The following FGF13 variants were observed in gnomAD, a reference collection of about 807,000 sequenced individuals.
FGF13 encodes fibroblast growth factor 13.
In FGF13, 2 loss-of-function variants were observed where a neutral mutation model predicts 19.5. That is an observed-to-expected ratio of 0.10 (90% CI 0.04 to 0.32). The LOEUF (loss-of-function observed/expected upper bound fraction) is 0.32, where lower values mean the gene tolerates loss of function less well. FGF13 is among the 10% of genes least tolerant of loss of function. The pLI is 1.00. For synonymous variants in FGF13, 72 were observed against 76.9 expected, an observed-to-expected ratio of 0.94 and a Z score of 0.33; for missense variants, 113 against 192.7, an observed-to-expected ratio of 0.59 and a Z score of 2.45.
chrX:139,144,787 TG>T (rs1239853934), intron 1 of FGF13, among the ~76,000 whole-genome samples: 2 of 111,200 alleles, frequency 1.8e-5, no homozygotes, highest in East Asian at 2.8e-4. Flanking sequence ...GGTGATTTCT[TG>T]GGGGAAAAAA....
intron 1 of FGF13, among the ~76,000 whole-genome samples, chrX:138,933,793 T>C (rs989706535): frequency 7.2e-5 from 8 of 111,769 alleles, no homozygotes; most frequent in African/African-American, 2.6e-4. Flanking sequence ...AAACTTGTAC[T>C]GGCTCCCCAT....
intron 1 of FGF13, among the ~76,000 whole-genome samples, chrX:138,984,647 GA>G (rs2091985098): frequency 2.5e-5 from 2 of 81,400 alleles, no homozygotes; most frequent in African/African-American, 9.2e-5. Flanking sequence ...AGGAGGAGAA[GA>G]AGAAGAAGGA....
At chrX:139,188,660 T>G (rs1337925844) in intron 1 of FGF13, among the ~76,000 whole-genome samples, 3 of 111,995 alleles carry the variant, frequency 2.7e-5, no homozygotes, top group Non-Finnish European at 5.6e-5. Flanking sequence ...TGCCAAGTAT[T>G]CAACAAATGT....
At chrX:138,865,486 C>CCT (rs1328298183) in intron 1 of FGF13, among the ~76,000 whole-genome samples, 37 of 93,093 alleles carry the variant, frequency 4.0e-4, no homozygotes, top group South Asian at 1.6e-3. Flanking sequence ...CTCTCTCTCT[C>CCT]CTCTCTCTCT....
intron 1 of FGF13, among the ~76,000 whole-genome samples, chrX:139,135,777 G>A (rs1398260964): frequency 8.1e-5 from 9 of 111,364 alleles, no homozygotes; most frequent in Non-Finnish European, 3.8e-5. Context: ...AATATTTGGG[G>A]GCTCAAAGAA....
chrX:139,031,029 A>G (rs1008930507), intron 1 of FGF13, among the ~76,000 whole-genome samples: 58 of 111,551 alleles, frequency 5.2e-4, no homozygotes, highest in Admixed American at 3.8e-4. Context: ...CTCTAAGCGT[A>G]CACTATCTAC....
intron 1 of FGF13, among the ~76,000 whole-genome samples, chrX:139,202,038 GAAA>G (rs1017321720): frequency 1.8e-5 from 2 of 112,448 alleles, no homozygotes; most frequent in Non-Finnish European, 3.8e-5. Flanking sequence ...GTCAACACAA[GAAA>G]ATGTTATGAC....
At chrX:138,764,762 C>A (rs999247039) in intron 3 of FGF13, among the ~76,000 whole-genome samples, 1 of 111,850 alleles carries the variant, frequency 8.9e-6, no homozygotes, top group Non-Finnish European at 1.9e-5. Context: ...ATTTGCCAAC[C>A]CCTTTCTTAA....
intron 1 of FGF13, among the ~76,000 whole-genome samples, chrX:138,937,170 G>T (rs1179645076): frequency 9.0e-6 from 1 of 111,029 alleles, no homozygotes; most frequent in Non-Finnish European, 1.9e-5. Flanking sequence ...GACAAAATGA[G>T]CCCTTCTGGT....
At position 138,629,462 on chromosome X, in the gene FGF13, G is replaced by A. The variant is rs1011574168; in HGVS notation, c.*3388C>T. ...CCTGGTGGGAGGTGATTGGATCCTC[G>A]GGGCGGTTTCCCCATGCTGTCTCAT... On this transcript the variant is annotated 3_prime_UTR_variant, in exon 5 of 5. Transcript: ENST00000315930. 9.0e-6 allele frequency: 1 copy of A among 110,880 alleles called. No homozygotes were observed. The highest frequency in any genetic ancestry group is 3.3e-5 in the African/African-American group (1 of 30,453). The allele number at this position is 110,880 out of a possible 1,213,427, so 9.1% of individuals were successfully genotyped here.
intron 1 of FGF13, among the ~76,000 whole-genome samples, chrX:138,918,674 G>T (rs1482348276): frequency 9.0e-6 from 1 of 111,612 alleles, no homozygotes; most frequent in African/African-American, 3.3e-5. Flanking sequence ...GGGGACACAG[G>T]TGAGTAAACA....
chrX:138,955,540 GGT>G (rs1190522991), intron 1 of FGF13, among the ~76,000 whole-genome samples: 6 of 112,013 alleles, frequency 5.4e-5, no homozygotes, highest in Non-Finnish European at 1.1e-4. Flanking sequence ...ACTCGACCAA[GGT>G]TACACAGGTA....
chrX:139,142,877 C>T (rs1427652136), intron 1 of FGF13, among the ~76,000 whole-genome samples: 4 of 111,574 alleles, frequency 3.6e-5, no homozygotes, highest in African/African-American at 1.3e-4. Context: ...AATGACTTCC[C>T]ACTGCTATTA....
In FGF13 at chrX:138,616,230, AAGTT is replaced by A. The variant is rs1286193780; in HGVS notation, c.*16616_*16619del. The stretch of plus-strand genomic sequence containing the variant: ...CCTATAAGCCTGTAAAATCTAAAGC[AAGTT>A]AGTTATTTCCAAGATACAATGGGGG... On this transcript the variant is annotated 3_prime_UTR_variant, in exon 5 of 5. Transcript: ENST00000315930. 1 of 112,561 alleles carries A rather than the reference AAGTT, an allele frequency of 8.9e-6. No individual in the cohort carries two copies. Among genetic ancestry groups the A allele is most frequent in the Non-Finnish European group, 1.9e-5 (1 of 53,340 alleles). 9.3% of individuals were successfully genotyped at this position (112,561 alleles called of 1,213,427 possible).
chrX:138,878,141 AT>A (rs765148449), intron 1 of FGF13, among the ~76,000 whole-genome samples: 6,477 of 105,602 alleles, frequency 0.061, 463 homozygotes, highest in African/African-American at 0.21. Context: ...GTGGTATCTC[AT>A]TTTTTTTTTA....
chrX:139,112,608 A>G (rs1206189361), intron 1 of FGF13, among the ~76,000 whole-genome samples: 1 of 111,820 alleles, frequency 8.9e-6, no homozygotes, highest in Non-Finnish European at 1.9e-5. Context: ...AACTGGGCTC[A>G]AATCCAAGCT....
intron 3 of FGF13, among the ~76,000 whole-genome samples, chrX:138,785,103 A>C (rs1207516909): frequency 8.9e-6 from 1 of 112,061 alleles, no homozygotes; most frequent in East Asian, 2.8e-4. Context: ...TCCAACATCC[A>C]GACCTTCAGT....
chrX:138,646,416 A>C (rs1375717989), intron 3 of FGF13, among the ~76,000 whole-genome samples: 1 of 111,638 alleles, frequency 9.0e-6, no homozygotes, highest in African/African-American at 3.3e-5. Flanking sequence ...TGGGGCTGCA[A>C]GACACTGAAG....
chrX:138,976,726 A>G (rs2091941411), intron 1 of FGF13, among the ~76,000 whole-genome samples: 1 of 35,796 alleles, frequency 2.8e-5, no homozygotes, highest in Admixed American at 2.4e-4. Context: ...TATTTGTGCA[A>G]ATTTTCTGCA....
Sources: gnomAD v4.1 joint callset for allele counts (sites outside exome capture counted in the v4.1 genomes callset) on GRCh38, gnomAD v4.1.1 for gene constraint, MANE v1.5 for transcripts, NCBI Gene and HGNC (gene_info 2026-07-23, HGNC 2026-07-21) for gene names.